The following CACNA1E variants were observed in gnomAD, a reference collection of about 807,000 sequenced individuals.
CACNA1E encodes the protein calcium voltage-gated channel subunit alpha1 E, also known as voltage-dependent R-type calcium channel subunit alpha-1E.
CACNA1E carries 40 observed loss-of-function variants against 259.2 expected under a neutral mutation model. That is an observed-to-expected ratio of 0.15 (90% CI 0.12 to 0.20). The LOEUF (loss-of-function observed/expected upper bound fraction) is 0.20. Ranked by LOEUF, CACNA1E falls within the 10% of genes least tolerant of loss-of-function variation. The pLI is 1.00. For missense variants in CACNA1E, 1,874 were observed against 3,040.1 expected, an observed-to-expected ratio of 0.62 and a Z score of 9.02; for synonymous variants, 1,104 against 1,138.5, an observed-to-expected ratio of 0.97 and a Z score of 0.61.
At chr1:181,549,648 A>G (rs571426437) in intron 3 of CACNA1E, among the ~76,000 whole-genome samples, 1 of 152,306 alleles carries the variant, frequency 6.6e-6, no homozygotes, top group South Asian at 2.1e-4. Context: ...GGAGTTGCCC[A>G]TGGGTTCCCA....
At chr1:181,411,496 C>CT (rs1657839467) in intron 1 of CACNA1E, among the ~76,000 whole-genome samples, 1 of 152,194 alleles carries the variant, frequency 6.6e-6, no homozygotes, top group South Asian at 2.1e-4. Context: ...CATGCTCTTC[C>CT]TTTTGCCTGT....
At chr1:181,364,608 A>T (rs532833681) in intron 1 of CACNA1E, among the ~76,000 whole-genome samples, 1 of 152,170 alleles carries the variant, frequency 6.6e-6, no homozygotes, top group African/African-American at 2.4e-5. Flanking sequence ...AAGAAAGATT[A>T]CGAAGATCTG....
At chr1:181,752,667 G>A (rs748863133) in intron 27 of CACNA1E, among the ~76,000 whole-genome samples, 8 of 152,210 alleles carry the variant, frequency 5.3e-5, no homozygotes, top group Non-Finnish European at 1.2e-4. Flanking sequence ...CTCAAGAGGA[G>A]AAGAGGCTCT....
intron 6 of CACNA1E, among the ~76,000 whole-genome samples, chr1:181,650,555 C>T (rs1446429573): frequency 2.0e-5 from 3 of 152,096 alleles, no homozygotes; most frequent in South Asian, 2.1e-4. Flanking sequence ...AGAGAGACTC[C>T]CAAGCTCTAT....
At chr1:181,636,802 G>A (rs769700592) in intron 6 of CACNA1E, among the ~76,000 whole-genome samples, 4 of 152,218 alleles carry the variant, frequency 2.6e-5, no homozygotes, top group Non-Finnish European at 4.4e-5. Flanking sequence ...GGGTGTGAGA[G>A]TTTCAAGCTT....
intron 18 of CACNA1E, among the ~76,000 whole-genome samples, chr1:181,730,302 C>A (rs1655344418): frequency 6.6e-6 from 1 of 152,232 alleles, no homozygotes; most frequent in Admixed American, 6.5e-5. Context: ...GTTCATCAGG[C>A]CAGTAACTGG....
In CACNA1E at chr1:181,485,295, T is replaced by A. The variant is rs1379836255; in HGVS notation, c.266+1285T>A. ...GTATTAGCCAGACACGCGGCTCATT[T>A]CCCCCAGGGCCTGGGCATCTCCCTA... is the stretch of plus-strand genomic sequence containing the variant. On this transcript the variant is annotated intron_variant, in intron 1 of 47. Transcript: ENST00000367573. This position sits in a 1 kb window ranked among gnomAD's most constrained non-coding sequence, Gnocchi z 4.2. 1.3e-5 allele frequency among the ~76,000 whole-genome samples: 2 copies of A among 152,086 alleles called. No individual in the cohort carries two copies. Among genetic ancestry groups the A allele is most frequent in the Non-Finnish European group, 2.9e-5 (2 of 68,002 alleles).
intron 1 of CACNA1E, among the ~76,000 whole-genome samples, chr1:181,392,605 T>C (rs1387351322): frequency 6.6e-6 from 1 of 152,186 alleles, no homozygotes; most frequent in Non-Finnish European, 1.5e-5. Context: ...AAGGGAAATG[T>C]ATTCAGTCCT....
intron 19 of CACNA1E, 116 bp downstream of exon 19, chr1:181,731,347 GGT>G (rs140605785): frequency 0.014 from 9,536 of 689,562 alleles, no homozygotes; most frequent in South Asian, 0.017. Context: ...TGTGTGGCTT[GGT>G]GTGTGTGTGT....
chr1:181,494,041 G>T (rs1664531195), intron 1 of CACNA1E, among the ~76,000 whole-genome samples: 1 of 152,152 alleles, frequency 6.6e-6, no homozygotes, highest in Non-Finnish European at 1.5e-5. Context: ...TTTCCACCTA[G>T]AATGAGTCTG....
Position 181,766,282 on chromosome 1 carries a change from G to C in CACNA1E, c.4816-264G>C, listed in dbSNP as rs75455556. On this transcript the variant is annotated intron_variant, in intron 34 of 47. Transcript: ENST00000367573. ...TTTTCCCAGCTTTCCTTCTAGATAT[G>C]GGCTACATTTATGGGTGAGTGAATC... is the stretch of plus-strand genomic sequence containing the variant. Among the ~76,000 whole-genome samples, 584 of 152,278 alleles carry C rather than the reference G, an allele frequency of 3.8e-3. 6 individuals are homozygous for C. The highest frequency in any genetic ancestry group is 0.013 in the African/African-American group (560 of 41,572).
intron 1 of CACNA1E, among the ~76,000 whole-genome samples, chr1:181,359,589 A>G (rs1653709940): frequency 6.6e-6 from 1 of 152,072 alleles, no homozygotes; most frequent in Non-Finnish European, 1.5e-5. Flanking sequence ...AAGAAGCTAG[A>G]AGTAGTTCCG....
Position 181,758,904 on chromosome 1 carries a change from C to A in CACNA1E, c.4605+36C>A. On this transcript the variant is annotated intron_variant, in intron 32 of 47. Coordinates refer to ENST00000367573, the MANE Select transcript of CACNA1E (RefSeq NM_001205293.3). This position sits in a 1 kb window ranked among gnomAD's most constrained non-coding sequence, Gnocchi z 4.2. The stretch of plus-strand genomic sequence containing the variant: ...GAATCCTTCCCAGCACTGGGCTTGT[C>A]TCTTTCTGTTGGGTGCCTTCCCAGT... 1 of 1,185,622 alleles carries A rather than the reference C, an allele frequency of 8.4e-7. No individual in the cohort carries two copies. The highest frequency in any genetic ancestry group is 1.3e-6 in the Non-Finnish European group (1 of 797,476). The allele number at this position is 1,185,622 out of a possible 1,614,324, so 73.4% of individuals were successfully genotyped here. A position where few individuals can be genotyped will look rare whatever the true frequency, so the allele number is the denominator to read the frequency against.
intron 6 of CACNA1E, among the ~76,000 whole-genome samples, chr1:181,630,203 C>T (rs1656586733): frequency 6.6e-6 from 1 of 152,016 alleles, no homozygotes. Flanking sequence ...ATTTAATGTA[C>T]AAAGACAAAA....
chr1:181,493,713 T>G (rs565550333), intron 1 of CACNA1E, among the ~76,000 whole-genome samples: 1 of 152,304 alleles, frequency 6.6e-6, no homozygotes, highest in Non-Finnish European at 1.5e-5. Context: ...AGAACTAAAT[T>G]TTAAATTTTA....
At position 181,598,019 on chromosome 1, in the gene CACNA1E, A is replaced by G. The variant is rs142460407; in HGVS notation, c.951+17243A>G. On this transcript the variant is annotated intron_variant, in intron 6 of 47. Coordinates refer to ENST00000367573, the MANE Select transcript of CACNA1E (RefSeq NM_001205293.3). ...ACTATATCAGGCGCTTAAGGCTTAC[A>G]GAGGTTAAAGGATCCTCCCAAGGTC... Among the ~76,000 whole-genome samples the G allele has an allele frequency of 2.0e-5, 3 of 152,308 alleles. No homozygotes were observed. The East Asian group carries it at 5.8e-4, about 29-fold the overall frequency.
Position 181,319,504 on chromosome 1 carries a change from A to G in CACNA1E, c.-15+1381A>G, listed in dbSNP as rs1187573053. On this transcript the variant is annotated intron_variant, in intron 1 of 11. Coordinates refer to the CACNA1E transcript ENST00000524607. The stretch of plus-strand genomic sequence containing the variant: ...CTTGTAGGATGGTGCAGCGATTTCT[A>G]CCATCTAAACTAAGATGACCATTTC... Among the ~76,000 whole-genome samples, 8 of 152,302 alleles carry G rather than the reference A, an allele frequency of 5.3e-5. No homozygotes were observed. The East Asian group carries it at 7.7e-4, about 15-fold the overall frequency.
chr1:181,711,118 C>A, intron 8 of CACNA1E, 49 bp downstream of exon 8: 1 of 1,262,678 alleles, frequency 7.9e-7, no homozygotes, highest in Non-Finnish European at 1.2e-6. Context: ...GCAGAGACAT[C>A]AGGGCCGGCC....
At position 181,804,364 on chromosome 1, in the gene CACNA1E, C is replaced by T. The variant is rs371720592; in HGVS notation, c.*5530C>T. ...CTTTTCTCTCTGGTCTCCTTTTTGTCGTCTTTCTCTTTCTGTCTAAATTGG... is the reference window on the plus strand; with the variant it reads ...CTTTTCTCTCTGGTCTCCTTTTTGTTGTCTTTCTCTTTCTGTCTAAATTGG... On this transcript the variant is annotated 3_prime_UTR_variant, in exon 48 of 48. Transcript: ENST00000367573. The T allele has an allele frequency of 3.9e-5, 6 of 152,176 alleles. No individual in the cohort carries two copies. The South Asian group carries it at 1.0e-3, about 26-fold the overall frequency. 9.4% of individuals were successfully genotyped at this position (152,176 alleles called of 1,614,324 possible). A position where few individuals can be genotyped will look rare whatever the true frequency, so the allele number is the denominator to read the frequency against.
Sources: allele counts gnomAD v4.1 joint callset (sites outside exome capture counted in the v4.1 genomes callset), GRCh38; gene constraint gnomAD v4.1.1; non-coding constraint Gnocchi (gnomAD v3.1); transcripts MANE v1.5; gene names NCBI Gene and HGNC (gene_info 2026-07-23, HGNC 2026-07-21).